The following SBNO2 variants were observed in gnomAD, a reference collection of about 807,000 sequenced individuals.
SBNO2 encodes protein strawberry notch homolog 2.
Under a neutral mutation model 146.3 loss-of-function variants are expected in SBNO2, and 89 were observed. That is an observed-to-expected ratio of 0.61 (90% CI 0.51 to 0.73). The LOEUF is 0.73. Ranked by LOEUF, SBNO2 falls within the 30% of genes least tolerant of loss-of-function variation. SBNO2 has a pLI of 0.00. For missense variants in SBNO2, 2,092 were observed against 2,003.7 expected, an observed-to-expected ratio of 1.04 and a Z score of -0.84; for synonymous variants, 1,147 against 892.6, an observed-to-expected ratio of 1.29 and a Z score of -5.08.
At chr19:1,152,397 G>T (rs550763233) in intron 2 of SBNO2, among the ~76,000 whole-genome samples, 3 of 152,190 alleles carry the variant, frequency 2.0e-5, no homozygotes, top group Admixed American at 6.5e-5. Context: ...AGTCCCCAGG[G>T]TGTGTTTCCG....
In SBNO2 at chr19:1,108,262, G is replaced by A. The variant is rs2079697082; in HGVS notation, c.4059C>T (p.Ile1353=). The stretch of plus-strand genomic sequence containing the variant: ...CGCCGGGGAAGGGTGGGCTGAACTG[G>A]ATCACGCTCTGCCGCTCGGGACCAC... ...AGGGPERQSV[I]QFSPPFPGAQ... The change falls in exon 32 of 32, where the codon ATC becomes ATT. Residue 1353 remains isoleucine (I), a synonymous_variant. Transcript: ENST00000361757. 3 of 1,523,810 alleles carry A rather than the reference G, an allele frequency of 2.0e-6. No homozygotes were observed. The highest frequency in any genetic ancestry group is 2.7e-5 in the East Asian group (1 of 37,712). The allele number at this position is 1,523,810 out of a possible 1,614,324, so 94.4% of individuals were successfully genotyped here.
At chr19:1,134,686 GGAT>G (rs1219835830) in intron 4 of SBNO2, among the ~76,000 whole-genome samples, 1 of 152,164 alleles carries the variant, frequency 6.6e-6, no homozygotes, top group Non-Finnish European at 1.5e-5. Context: ...GCTTCCTGTG[GGAT>G]GATGGAATGT....
At chr19:1,120,182 C>T (rs898503891) in intron 11 of SBNO2, 159 bp from the exon 12 acceptor site, 1 of 620,528 alleles carries the variant, frequency 1.6e-6, no homozygotes, top group Non-Finnish European at 2.8e-6. Context: ...CAGCCGGCTA[C>T]CATGGGGGGC....
chr19:1,139,359 G>A (rs938819511), intron 4 of SBNO2, among the ~76,000 whole-genome samples: 3 of 152,158 alleles, frequency 2.0e-5, no homozygotes, highest in African/African-American at 4.8e-5. Context: ...GACAGCTGAC[G>A]GGGACAGGGC....
chr19:1,109,890 A>G lies in SBNO2; in HGVS notation c.3029-113T>C. On this transcript the variant is annotated intron_variant, in intron 26 of 31. Transcript: ENST00000361757. This position sits in a 1 kb window ranked among gnomAD's most constrained non-coding sequence, Gnocchi z 4.2. ...AGAGACGACCCCCCGAGAGCACAGGAGAGGGTGTCCTGGATCCTGGCCTGA... is the reference window on the plus strand; with the variant it reads ...AGAGACGACCCCCCGAGAGCACAGGGGAGGGTGTCCTGGATCCTGGCCTGA... The G allele has an allele frequency of 1.3e-6, 1 of 757,468 alleles. No individual in the cohort carries two copies. The highest frequency in any genetic ancestry group is 2.7e-5 in the East Asian group (1 of 37,208). 46.9% of individuals were successfully genotyped at this position (757,468 alleles called of 1,614,324 possible). A position where few individuals can be genotyped will look rare whatever the true frequency, so the allele number is the denominator to read the frequency against.
intron 13 of SBNO2, among the ~76,000 whole-genome samples, 167 bp from the exon 14 acceptor site, chr19:1,119,331 G>T (rs115384821): frequency 6.6e-6 from 1 of 152,330 alleles, no homozygotes; most frequent in African/African-American, 2.4e-5. Flanking sequence ...GGGCAGGAAG[G>T]GCTGCGGAGG....
In SBNO2 at chr19:1,114,202, G is replaced by A. The variant is rs748553078; in HGVS notation, c.2077+29C>T. Reference sequence around the variant, plus strand: ...CCTGGACTGGAATCCTGACCCACAGGTGGCTGGCCAGCCTGGGCAAGCCCT... The same window carrying A: ...CCTGGACTGGAATCCTGACCCACAGATGGCTGGCCAGCCTGGGCAAGCCCT... On this transcript the variant is annotated intron_variant, in intron 18 of 31. Coordinates refer to ENST00000361757, the MANE Select transcript of SBNO2 (RefSeq NM_014963.3). 12 of 1,419,372 alleles carry A rather than the reference G, an allele frequency of 8.5e-6. No homozygotes were observed. In the East Asian group the frequency reaches 1.4e-4, roughly 17 times the overall value. The allele number at this position is 1,419,372 out of a possible 1,614,324, so 87.9% of individuals were successfully genotyped here.
chr19:1,127,257 G>C (rs373876398), intron 5 of SBNO2, among the ~76,000 whole-genome samples: 40 of 152,294 alleles, frequency 2.6e-4, no homozygotes, highest in African/African-American at 8.7e-4. Flanking sequence ...TCTAGACCAG[G>C]GACTCCCCGG....
intron 12 of SBNO2, 27 bp downstream of exon 12, chr19:1,119,879 G>C (rs1481464408): frequency 6.7e-7 from 1 of 1,496,164 alleles, no homozygotes; most frequent in African/African-American, 1.4e-5. Context: ...GCTGCGGGTG[G>C]GTCACGTGGG....
rs562912683 is a variant in SBNO2 at position 1,114,285 on chromosome 19, C to T, written c.2023G>A (p.Val675Met). ...SDFNSSPESL[V>M]DDDVVIVDAV... is the part of the protein sequence containing the mutation. ...TCAACGATGACAACGTCGTCATCCA[C>T]CAGGGACTCGGGGGAGGAGTTGAAG... Residue 675 changes from valine to methionine, a missense_variant, in exon 18 of 32, where the codon GTG becomes ATG. Physicochemically the swap from Val to Met is conservative, Grantham distance 21. Coordinates refer to ENST00000361757, the MANE Select transcript of SBNO2 (RefSeq NM_014963.3). 1.3e-6 allele frequency: 2 copies of T among 1,551,180 alleles called. No homozygotes were observed. Among genetic ancestry groups the T allele is most frequent in the South Asian group, 2.4e-5 (2 of 83,902 alleles).
chr19:1,127,953 ACAGGTGTGCGC>A (rs937167270), intron 4 of SBNO2, among the ~76,000 whole-genome samples, 188 bp from the exon 5 acceptor site: 1 of 152,156 alleles, frequency 6.6e-6, no homozygotes, highest in Admixed American at 6.5e-5. Flanking sequence ...AGCAGGGATT[ACAGGTGTGCGC>A]CACCATGCCC....
chr19:1,153,913 G>A (rs2080264825), intron 2 of SBNO2, among the ~76,000 whole-genome samples: 1 of 152,230 alleles, frequency 6.6e-6, no homozygotes, highest in Non-Finnish European at 1.5e-5. Flanking sequence ...TGACGGCGAA[G>A]GAACTGGAAG....
rs1023366033 is a variant in SBNO2, at chr19:1,158,241, C to G, written c.-126-3839G>C. Among the ~76,000 whole-genome samples, 2 of 152,240 alleles carry G rather than the reference C, an allele frequency of 1.3e-5. No homozygotes were observed. The highest frequency in any genetic ancestry group is 2.9e-5 in the Non-Finnish European group (2 of 68,046). ...GCACCTGTCGTGTGGAGCCCCTTCG[C>G]GCGCTCCGCCCTCAGACCCGAGCCG... On this transcript the variant is annotated intron_variant, in intron 1 of 31. Transcript: ENST00000361757. This position sits in a 1 kb window ranked among gnomAD's most constrained non-coding sequence, Gnocchi z 9.9.
Position 1,150,591 on chromosome 19 carries a change from G to C in SBNO2, c.94-1149C>G, listed in dbSNP as rs11084886. Among the ~76,000 whole-genome samples the C allele has an allele frequency of 6.6e-6, 1 of 151,738 alleles. No homozygotes were observed. The highest frequency in any genetic ancestry group is 2.4e-5 in the African/African-American group (1 of 41,132). ...GGTCATGGGGGAGACACCACCAGCC[G>C]GGGGCATCATCCTGCTTATCCCAGC... On this transcript the variant is annotated intron_variant, in intron 2 of 31. Coordinates refer to ENST00000361757, the MANE Select transcript of SBNO2 (RefSeq NM_014963.3). The surrounding 1 kb of genome is among the most constrained non-coding windows in gnomAD (Gnocchi z 6.2).
chr19:1,120,009 C>A lies in SBNO2; in HGVS notation c.1164G>T (p.Glu388Asp). 1 of 1,551,394 alleles carries A rather than the reference C, an allele frequency of 6.4e-7. No individual in the cohort carries two copies. Among genetic ancestry groups the A allele is most frequent in the Non-Finnish European group, 8.7e-7 (1 of 1,147,126 alleles). ...AGCCGGCATTCTTGGCTTTGTGACA[C>A]TCGTCGAACACGATCTGAGGCACAC... ...EAFEGVIVFD[E>D]CHKAKNAGST... The change falls in exon 12 of 32, where the codon GAG becomes GAT. Residue 388 changes from glutamate to aspartate, a missense_variant. Transcript: ENST00000361757.
chr19:1,154,960 TGAGAAC>T (rs2080276192), intron 1 of SBNO2: 1 of 152,274 alleles, frequency 6.6e-6, no homozygotes, highest in Admixed American at 6.5e-5. Context: ...GCATCCCCAC[TGAGAAC>T]GTTCCTGGGC....
At position 1,127,725 on chromosome 19, in the gene SBNO2, A is replaced by C; in HGVS notation, c.320T>G (p.Phe107Cys). ...CGACAGGGAGTCCACGGACGAGGAGAAGATGGAGATGTTGGAGAAGTCCTC... is the reference window on the plus strand; with the variant it reads ...CGACAGGGAGTCCACGGACGAGGAGCAGATGGAGATGTTGGAGAAGTCCTC... ...YFEDFSNISI[F>C]SSSVDSLSDI... is the part of the protein sequence containing the mutation. Residue 107 changes from phenylalanine to cysteine, a missense_variant, in exon 5 of 32, where the codon TTC becomes TGC. Transcript: ENST00000361757. The C allele has an allele frequency of 6.2e-7, 1 of 1,613,538 alleles. No individual in the cohort carries two copies. Among genetic ancestry groups the C allele is most frequent in the African/African-American group, 1.3e-5 (1 of 75,004 alleles).
At chr19:1,139,079 C>G (rs947355571) in intron 4 of SBNO2, among the ~76,000 whole-genome samples, 1 of 152,188 alleles carries the variant, frequency 6.6e-6, no homozygotes, top group Non-Finnish European at 1.5e-5. Context: ...CCATCATGAA[C>G]AAAAACAGTG....
At position 1,110,393 on chromosome 19, in the gene SBNO2, T is replaced by C. The variant is rs962054592; in HGVS notation, c.3028+352A>G. 1.3e-5 allele frequency among the ~76,000 whole-genome samples: 2 copies of C among 152,124 alleles called. No individual in the cohort carries two copies. Among genetic ancestry groups the C allele is most frequent in the African/African-American group, 4.8e-5 (2 of 41,390 alleles). ...GCAGCGTGCACCAGCCTGGGCACCT[T>C]CCAGAGACGTGCACGGTGATCCCAC... On this transcript the variant is annotated intron_variant, in intron 26 of 31. Transcript: ENST00000361757. This position sits in a 1 kb window ranked among gnomAD's most constrained non-coding sequence, Gnocchi z 4.9.
Sources: gnomAD v4.1 joint callset for allele counts (sites outside exome capture counted in the v4.1 genomes callset) on GRCh38, gnomAD v4.1.1 for gene constraint, Gnocchi (gnomAD v3.1) non-coding constraint, MANE v1.5 for transcripts, NCBI Gene and HGNC (gene_info 2026-07-23, HGNC 2026-07-21) for gene names.